The following WWOX variants were observed in gnomAD, a reference collection of about 807,000 sequenced individuals.
The protein encoded by WWOX is WW domain-containing oxidoreductase.
A neutral mutation model predicts 46.2 loss-of-function variants in WWOX; 69 were observed. The observed-to-expected ratio is 1.49, with a 90% CI of 1.23 to 1.82. The LOEUF (loss-of-function observed/expected upper bound fraction) is 1.82. WWOX is among the 40% of genes most tolerant of loss of function. The pLI, the probability that WWOX is intolerant of heterozygous loss-of-function variation, is 0.00. For missense variants in WWOX, 919 were observed against 542.6 expected, an observed-to-expected ratio of 1.69 and a Z score of -6.89; for synonymous variants, 359 against 202.6, an observed-to-expected ratio of 1.77 and a Z score of -6.56.
intron 8 of WWOX, among the ~76,000 whole-genome samples, chr16:78,946,973 G>C (rs1013079291): frequency 1.3e-5 from 2 of 152,082 alleles, no homozygotes; most frequent in Non-Finnish European, 2.9e-5. Context: ...TCGCACGCAG[G>C]CATTAAATGG....
At chr16:78,454,197 G>A (rs2083756716) in intron 8 of WWOX, among the ~76,000 whole-genome samples, 1 of 152,112 alleles carries the variant, frequency 6.6e-6, no homozygotes, top group South Asian at 2.1e-4. Context: ...TGTTTTGGAT[G>A]ACTTTGGAAG....
At chr16:79,152,499 G>A (rs530008286) in intron 8 of WWOX, among the ~76,000 whole-genome samples, 2 of 152,142 alleles carry the variant, frequency 1.3e-5, no homozygotes, top group African/African-American at 4.8e-5. Context: ...GTGAAACCCT[G>A]TCTCTACTAA....
At chr16:78,345,968 AATAG>A (rs2081087903) in intron 5 of WWOX, among the ~76,000 whole-genome samples, 1 of 109,024 alleles carries the variant, frequency 9.2e-6, no homozygotes, top group African/African-American at 4.0e-5. Flanking sequence ...AAATAAAAAA[AATAG>A]AACATTTACA....
intron 8 of WWOX, among the ~76,000 whole-genome samples, chr16:78,831,796 C>G (rs2151158489): frequency 6.6e-6 from 1 of 152,310 alleles, no homozygotes; most frequent in Admixed American, 6.5e-5. Context: ...TTTTACTGAG[C>G]ATCTATCTGT....
chr16:78,329,092 C>A (rs961977026), intron 5 of WWOX, among the ~76,000 whole-genome samples: 1 of 152,152 alleles, frequency 6.6e-6, no homozygotes, highest in Admixed American at 6.5e-5. Flanking sequence ...GATTCCTGAT[C>A]TCACATGATT....
chr16:79,102,633 A>G (rs1052093912), intron 8 of WWOX, among the ~76,000 whole-genome samples: 1 of 152,184 alleles, frequency 6.6e-6, no homozygotes, highest in African/African-American at 2.4e-5. Flanking sequence ...AACAAGAAAC[A>G]TATATACAGT....
intron 8 of WWOX, among the ~76,000 whole-genome samples, chr16:78,699,963 G>A (rs538900671): frequency 2.0e-4 from 31 of 152,238 alleles, no homozygotes; most frequent in African/African-American, 7.5e-4. Flanking sequence ...GGTAACTGGG[G>A]CACTCTTGGT....
intron 8 of WWOX, among the ~76,000 whole-genome samples, chr16:78,541,695 C>G (rs949065947): frequency 1.3e-5 from 2 of 151,768 alleles, no homozygotes; most frequent in African/African-American, 4.8e-5. Context: ...AGTGATTTAG[C>G]CTTTGTTCCC....
intron 8 of WWOX, among the ~76,000 whole-genome samples, chr16:78,693,217 G>A (rs1009189415): frequency 6.6e-6 from 1 of 152,068 alleles, no homozygotes; most frequent in Non-Finnish European, 1.5e-5. Context: ...TGTATTTCTG[G>A]CTGGGCATTG....
At chr16:79,118,290 G>T (rs8056641) in intron 8 of WWOX, among the ~76,000 whole-genome samples, 13,900 of 152,206 alleles carry the variant, frequency 0.091, 1,169 homozygotes, top group African/African-American at 0.23. Context: ...GAGCCAGTGT[G>T]GTATTCATAA....
At chr16:78,634,859 T>C (rs896279540) in intron 8 of WWOX, among the ~76,000 whole-genome samples, 2 of 151,508 alleles carry the variant, frequency 1.3e-5, no homozygotes, top group African/African-American at 2.4e-5. Flanking sequence ...TGTGTGTGTG[T>C]GTGTGTGTGT....
At chr16:78,489,850 A>G (rs752446910) in intron 8 of WWOX, among the ~76,000 whole-genome samples, 1 of 152,166 alleles carries the variant, frequency 6.6e-6, no homozygotes. Context: ...CAAAGGGTGT[A>G]TCACTGGTAT....
intron 8 of WWOX, among the ~76,000 whole-genome samples, chr16:78,925,443 C>A (rs2045476679): frequency 2.0e-5 from 3 of 152,140 alleles, no homozygotes; most frequent in Admixed American, 6.5e-5. Context: ...AATTACCTTC[C>A]TTGGTGTTAA....
chr16:78,402,843 T>C (rs542585250), intron 6 of WWOX, among the ~76,000 whole-genome samples: 1 of 152,198 alleles, frequency 6.6e-6, no homozygotes, highest in East Asian at 1.9e-4. Flanking sequence ...CCCTGGGGTC[T>C]GGTTGCTTTA....
intron 8 of WWOX, among the ~76,000 whole-genome samples, chr16:78,453,422 CA>C (rs112120810): frequency 0.1 from 10,716 of 106,946 alleles, 537 homozygotes; most frequent in South Asian, 0.2. Flanking sequence ...GACTATGTCT[CA>C]AAAAAAAAAA....
intron 8 of WWOX, among the ~76,000 whole-genome samples, chr16:78,536,005 T>C (rs2151519279): frequency 6.6e-6 from 1 of 152,346 alleles, no homozygotes; most frequent in Admixed American, 6.5e-5. Context: ...TTCGGGTATT[T>C]CCAGCCTTAG....
chr16:78,992,536 C>T lies in WWOX; in HGVS notation c.1057-219072C>T, dbSNP rs182859480. On this transcript the variant is annotated intron_variant, in intron 8 of 8. Coordinates refer to ENST00000566780, the MANE Select transcript of WWOX (RefSeq NM_016373.4). Reference sequence around the variant, plus strand: ...ATTTTACGTTGTATGTACCAGTATGCAAGTGTTGTATGGATGTGAGCGTCT... The same window carrying T: ...ATTTTACGTTGTATGTACCAGTATGTAAGTGTTGTATGGATGTGAGCGTCT... 1.6e-4 allele frequency among the ~76,000 whole-genome samples: 25 copies of T among 152,252 alleles called. No individual in the cohort carries two copies. In the East Asian group the frequency reaches 4.6e-3, roughly 28 times the overall value.
chr16:78,370,767 A>G (rs2081658408), intron 5 of WWOX, among the ~76,000 whole-genome samples: 1 of 117,348 alleles, frequency 8.5e-6, no homozygotes, highest in South Asian at 3.2e-4. Context: ...TTTAAACTTT[A>G]AACTTTTTTT....
chr16:78,657,989 C>G (rs1396524312), intron 8 of WWOX, among the ~76,000 whole-genome samples: 1 of 152,060 alleles, frequency 6.6e-6, no homozygotes, highest in African/African-American at 2.4e-5. Flanking sequence ...TGATTTTTCA[C>G]TTTATCCTGG....
Sources: gnomAD v4.1 joint callset for allele counts (sites outside exome capture counted in the v4.1 genomes callset) on GRCh38, gnomAD v4.1.1 for gene constraint, MANE v1.5 for transcripts, NCBI Gene and HGNC (gene_info 2026-07-23, HGNC 2026-07-21) for gene names.